Variants in MACROD2 observed in about 807,000 individuals in gnomAD.
MACROD2 encodes ADP-ribose glycohydrolase MACROD2.
Under a neutral mutation model 70.4 loss-of-function variants are expected in MACROD2, and 36 were observed. The observed-to-expected ratio is 0.51, with a 90% CI of 0.39 to 0.68. The LOEUF (loss-of-function observed/expected upper bound fraction) is 0.68, where lower values mean the gene tolerates loss of function less well. MACROD2 is among the 30% of genes least tolerant of loss of function. The pLI is 0.00. For missense variants in MACROD2, 496 were observed against 538.4 expected, an observed-to-expected ratio of 0.92 and a Z score of 0.78; for synonymous variants, 172 against 178.8, an observed-to-expected ratio of 0.96 and a Z score of 0.30.
At chr20:14,488,951 G>C (rs2084764131) in intron 3 of MACROD2, among the ~76,000 whole-genome samples, 2 of 152,150 alleles carry the variant, frequency 1.3e-5, no homozygotes, top group African/African-American at 4.8e-5. Context: ...ATCATCCCAA[G>C]TAAGACTTCC....
At chr20:14,154,389 C>CTTTTT (rs1183052263) in intron 3 of MACROD2, among the ~76,000 whole-genome samples, 2 of 136,436 alleles carry the variant, frequency 1.5e-5, no homozygotes, top group East Asian at 2.1e-4. Flanking sequence ...CTTTTCTTTT[C>CTTTTT]TTTTTTTTTT....
intron 5 of MACROD2, among the ~76,000 whole-genome samples, chr20:15,050,058 C>A (rs1349071257): frequency 6.6e-6 from 1 of 152,024 alleles, no homozygotes; most frequent in Non-Finnish European, 1.5e-5. Context: ...TTTTCATAAA[C>A]CTACACAACC....
chr20:14,750,264 CTA>C (rs1442460301), intron 5 of MACROD2, among the ~76,000 whole-genome samples: 1 of 151,996 alleles, frequency 6.6e-6, no homozygotes, highest in Non-Finnish European at 1.5e-5. Context: ...TTTAGAAACA[CTA>C]TAAAATTATA....
chr20:15,039,431 A>C (rs1227914657), intron 5 of MACROD2, among the ~76,000 whole-genome samples: 2 of 152,096 alleles, frequency 1.3e-5, no homozygotes, highest in African/African-American at 4.8e-5. Context: ...TTTCTATGAC[A>C]CACCTTGGTG....
At chr20:14,510,976 T>A (rs2085023257) in intron 4 of MACROD2, among the ~76,000 whole-genome samples, 1 of 151,896 alleles carries the variant, frequency 6.6e-6, no homozygotes, top group African/African-American at 2.4e-5. Flanking sequence ...GGTCCTGAAC[T>A]GCAGGTTGGT....
At chr20:14,365,335 G>T (rs2083261782) in intron 3 of MACROD2, among the ~76,000 whole-genome samples, 1 of 151,052 alleles carries the variant, frequency 6.6e-6, no homozygotes, top group African/African-American at 2.4e-5. Flanking sequence ...ATAAAAGTGG[G>T]ATAAATAAAT....
chr20:15,739,953 T>C (rs971041153), intron 8 of MACROD2, among the ~76,000 whole-genome samples: 5 of 152,198 alleles, frequency 3.3e-5, no homozygotes, highest in Admixed American at 2.6e-4. Flanking sequence ...ATGGGAAACA[T>C]TCAGTTTCTC....
chr20:15,458,639 T>TA lies in MACROD2; in HGVS notation c.571+27216dup, dbSNP rs71340228. Among the ~76,000 whole-genome samples the TA allele has an allele frequency of 7.0e-3, 821 of 116,988 alleles. 4 individuals carry two copies. Among genetic ancestry groups the TA allele is most frequent in the Middle Eastern group, 0.021 (5 of 234 alleles). The allele number at this position is 116,988 out of a possible 152,430, so 76.7% of individuals were successfully genotyped here. ...TTTTTGTTTTTTTGTTTTTTTTTTT[T>TA]AAAAAAAAAAAAGATTGTGCCATTT... On this transcript the variant is annotated intron_variant, in intron 7 of 17. Transcript: ENST00000684519.
intron 3 of MACROD2, among the ~76,000 whole-genome samples, chr20:14,355,678 A>G: frequency 6.6e-6 from 1 of 152,230 alleles, no homozygotes; most frequent in East Asian, 1.9e-4. Context: ...TTTGAAATGG[A>G]AAAAAGGAAA....
chr20:14,061,219 A>G (rs921804060), intron 2 of MACROD2, among the ~76,000 whole-genome samples: 1 of 152,194 alleles, frequency 6.6e-6, no homozygotes, highest in African/African-American at 2.4e-5. Context: ...TTAATAGACT[A>G]TTCCACTGAA....
intron 3 of MACROD2, among the ~76,000 whole-genome samples, chr20:14,239,046 A>G (rs2081905437): frequency 6.6e-6 from 1 of 151,436 alleles, no homozygotes; most frequent in African/African-American, 2.4e-5. Flanking sequence ...AAAAAAAAAA[A>G]AAAAAAAATC....
intron 4 of MACROD2, among the ~76,000 whole-genome samples, chr20:14,504,540 T>C (rs2123131558): frequency 6.6e-6 from 1 of 152,322 alleles, no homozygotes; most frequent in Admixed American, 6.5e-5. Flanking sequence ...AACCTTCTTA[T>C]TCTGATTTTT....
chr20:15,382,966 GTGAACTCTAGATT>G (rs1308002510), intron 6 of MACROD2, among the ~76,000 whole-genome samples: 3 of 152,178 alleles, frequency 2.0e-5, no homozygotes, highest in Non-Finnish European at 4.4e-5. Flanking sequence ...AAGACTTCAG[GTGAACTCTAGATT>G]TTTATTTTCA....
chr20:14,143,940 A>T (rs1465292001), intron 3 of MACROD2, among the ~76,000 whole-genome samples: 4 of 152,198 alleles, frequency 2.6e-5, no homozygotes, highest in African/African-American at 7.2e-5. Flanking sequence ...CAAAGTCAAA[A>T]TAATTAAGGT....
chr20:15,131,998 A>G lies in MACROD2; in HGVS notation c.419-97942A>G, dbSNP rs2076109493. Among the ~76,000 whole-genome samples the G allele has an allele frequency of 2.0e-5, 3 of 152,046 alleles. No individual in the cohort carries two copies. The South Asian group carries it at 6.2e-4, about 31-fold the overall frequency. On this transcript the variant is annotated intron_variant, in intron 5 of 17. Transcript: ENST00000684519. ...CTATATACAAGAAATAATTCTAAAG[A>G]TGTTACTCATTGAATTAAAAGTGAA...
chr20:15,206,387 A>G (rs2076702441), intron 5 of MACROD2, among the ~76,000 whole-genome samples: 2 of 152,178 alleles, frequency 1.3e-5, no homozygotes, highest in Non-Finnish European at 2.9e-5. Flanking sequence ...ATTCTGTTTA[A>G]AAAGTATATA....
At position 14,721,056 on chromosome 20, in the gene MACROD2, A is replaced by G. The variant is rs185408881; in HGVS notation, c.418+36097A>G. Among the ~76,000 whole-genome samples the G allele has an allele frequency of 6.8e-3, 1,027 of 151,992 alleles. 13 individuals are homozygous for G. The highest frequency in any genetic ancestry group is 0.022 in the African/African-American group (931 of 41,470). The stretch of plus-strand genomic sequence containing the variant: ...GGTTGCTTGAGCTCGGGAGTTAGCG[A>G]CCAGCCTGGGCAACACGATGAAACC... On this transcript the variant is annotated intron_variant, in intron 5 of 17. Coordinates refer to ENST00000684519, the MANE Select transcript of MACROD2 (RefSeq NM_001351661.2).
rs137966173 is a variant in MACROD2, at chr20:14,897,603, A to G, written c.418+212644A>G. Among the ~76,000 whole-genome samples the G allele has an allele frequency of 1.2e-4, 19 of 152,236 alleles. No individual in the cohort carries two copies. In the East Asian group the frequency reaches 3.7e-3, roughly 29 times the overall value. On this transcript the variant is annotated intron_variant, in intron 5 of 17. Transcript: ENST00000684519. ...ATTTCAGGCTGCTTTTTTTCAAACA[A>G]CAGAAATTGACTTTGGCTCATTTAA...
At chr20:14,964,660 T>C (rs1230509297) in intron 5 of MACROD2, among the ~76,000 whole-genome samples, 1 of 152,188 alleles carries the variant, frequency 6.6e-6, no homozygotes, top group Non-Finnish European at 1.5e-5. Flanking sequence ...TGCTTTGTTA[T>C]AAAATTAATA....
Sources: gnomAD v4.1 joint callset for allele counts (sites outside exome capture counted in the v4.1 genomes callset) on GRCh38, gnomAD v4.1.1 for gene constraint, MANE v1.5 for transcripts, NCBI Gene and HGNC (gene_info 2026-07-23, HGNC 2026-07-21) for gene names.